The following IFT27 variants were observed in gnomAD, a reference collection of about 807,000 sequenced individuals.
The protein encoded by IFT27 is intraflagellar transport protein 27 homolog.
Under a neutral mutation model 23.9 loss-of-function variants are expected in IFT27, and 19 were observed. That is an observed-to-expected ratio of 0.79 (90% CI 0.55 to 1.16). IFT27 has a LOEUF of 1.16. IFT27 is among the 50% of genes most tolerant of loss of function. The pLI is 0.00. For synonymous variants in IFT27, 91 were observed against 89.1 expected (o/e 1.02, Z -0.12); for missense variants, 206 against 228.7 (o/e 0.90, Z 0.64).
intron 1 of IFT27, chr22:36,768,253 C>G (rs1288623011): frequency 2.7e-6 from 1 of 367,454 alleles, no homozygotes; most frequent in Non-Finnish European, 5.4e-6. Context: ...GTGACTGGCA[C>G]TGACAGGCAG....
rs773063905 is a variant in IFT27, at chr22:36,775,691, G to A, written c.17C>T (p.Ala6Val). The A allele has an allele frequency of 6.2e-7, 1 of 1,614,160 alleles. No homozygotes were observed. The change falls in exon 1 of 7, where the codon GCC becomes GTC. Residue 6 changes from alanine to valine, a missense_variant. Ala to Val is a moderately conservative substitution (Grantham distance 64). Transcript: ENST00000433985. ...AGACTCACCTGCCAGGATGCATTTG[G>A]CTGCCAGCTTCACCATGGTAACCAA... MVKLA[A>V]KCILAGDPAV...
intron 3 of IFT27, 60 bp downstream of exon 3, chr22:36,767,246 C>T (rs947685272): frequency 7.1e-7 from 1 of 1,399,666 alleles, no homozygotes; most frequent in Non-Finnish European, 1.0e-6. Flanking sequence ...GGTGTGACCA[C>T]AGAGACCCTG....
intron 6 of IFT27, chr22:36,761,497 A>G (rs1236966530): frequency 6.6e-6 from 1 of 152,246 alleles, no homozygotes; most frequent in Admixed American, 6.5e-5. Flanking sequence ...GGATTTAGTA[A>G]GTAATAACAG....
At chr22:36,762,231 G>A (rs1288003003) in intron 6 of IFT27, 1 of 152,302 alleles carries the variant, frequency 6.6e-6, no homozygotes, top group Admixed American at 6.5e-5. Context: ...AACACAGGAA[G>A]CAGGTTCCTC....
At chr22:36,772,823 G>T in intron 1 of IFT27, 1 of 960,138 alleles carries the variant, frequency 1.0e-6, no homozygotes, top group Non-Finnish European at 1.2e-6. Flanking sequence ...AGGGCTGTGG[G>T]TCATGGATGG....
chr22:36,767,389 T>C lies in IFT27; in HGVS notation c.115-24A>G, dbSNP rs200971213. ...GTCTGCCGAGGAACACCAAGAATGTTAGCACTGAGGGCCCCCAAAGGGAGA... is the reference window on the plus strand; with the variant it reads ...GTCTGCCGAGGAACACCAAGAATGTCAGCACTGAGGGCCCCCAAAGGGAGA... On this transcript the variant is annotated intron_variant, in intron 2 of 6. Coordinates refer to ENST00000433985, the MANE Select transcript of IFT27 (RefSeq NM_001177701.3). 6.9e-6 allele frequency: 11 copies of C among 1,605,092 alleles called. No individual in the cohort carries two copies. The Admixed American group carries it at 1.0e-4, about 15-fold the overall frequency.
intron 5 of IFT27, chr22:36,763,397 C>A: frequency 3.9e-6 from 1 of 254,952 alleles, no homozygotes; most frequent in African/African-American, 2.2e-5. Context: ...GGACTCGGCT[C>A]GGAGTCAGGG....
Position 36,775,907 on chromosome 22 carries a change from G to C in IFT27, c.-200C>G, listed in dbSNP as rs373565282. ...GGCCGGGGGCGGATATCGGGCGCTG[G>C]GGGCGGGTGGGCAGGGGAGGGCTCC... On this transcript the variant is annotated 5_prime_UTR_variant, in exon 1 of 7. Coordinates refer to ENST00000433985, the MANE Select transcript of IFT27 (RefSeq NM_001177701.3). 1.0e-5 allele frequency: 6 copies of C among 587,980 alleles called. No individual in the cohort carries two copies. In the African/African-American group the frequency reaches 1.1e-4, roughly 11 times the overall value. 36.4% of individuals were successfully genotyped at this position (587,980 alleles called of 1,614,324 possible).
At position 36,775,746 on chromosome 22, in the gene IFT27, G is replaced by A. The variant is rs1938486983; in HGVS notation, c.-39C>T. The A allele has an allele frequency of 1.2e-6, 2 of 1,613,186 alleles. No individual in the cohort carries two copies. Among genetic ancestry groups the A allele is most frequent in the Non-Finnish European group, 1.7e-6 (2 of 1,179,278 alleles). ...CCCGCGAGCCGTACCCAGAGGACAA[G>A]AGCGGCTGCTAGAGACGCGAGTGGG... On this transcript the variant is annotated 5_prime_UTR_variant, in exon 1 of 7. Coordinates refer to ENST00000433985, the MANE Select transcript of IFT27 (RefSeq NM_001177701.3).
Position 36,774,760 on chromosome 22 carries a change from C to T in IFT27, c.34+914G>A, listed in dbSNP as rs575313622. Among the ~76,000 whole-genome samples, 185 of 151,124 alleles carry T rather than the reference C, an allele frequency of 1.2e-3. 1 individual carries two copies. The highest frequency in any genetic ancestry group is 1.9e-3 in the Non-Finnish European group (129 of 67,924). On this transcript the variant is annotated intron_variant, in intron 1 of 6. Coordinates refer to ENST00000433985, the MANE Select transcript of IFT27 (RefSeq NM_001177701.3). Reference sequence around the variant, plus strand: ...CAGGGAGGTGGAGGTTGCAGTGAGCCGAGATTGCGCCACTGCCCTCCAGCC... The same window carrying T: ...CAGGGAGGTGGAGGTTGCAGTGAGCTGAGATTGCGCCACTGCCCTCCAGCC...
In IFT27 at chr22:36,776,108, T is replaced by G. The variant is rs1236885940; in HGVS notation, c.-401A>C. 1 of 233,086 alleles carries G rather than the reference T, an allele frequency of 4.3e-6. No homozygotes were observed. The highest frequency in any genetic ancestry group is 8.7e-6 in the Non-Finnish European group (1 of 115,512). The allele number at this position is 233,086 out of a possible 1,614,324, so 14.4% of individuals were successfully genotyped here. ...GCCGGATGCACTCTCCAAGCAACCA[T>G]AGCCCACCTGCCCCGCCTCCTCCTC... On this transcript the variant is annotated 5_prime_UTR_variant, in exon 1 of 7. An upstream start codon of the reference 5' UTR is lost. Transcript: ENST00000433985.
intron 2 of IFT27, 127 bp downstream of exon 2, chr22:36,767,656 C>T (rs1352417606): frequency 1.4e-5 from 12 of 880,716 alleles, no homozygotes; most frequent in African/African-American, 3.3e-5. Flanking sequence ...ACGATCTCCA[C>T]GTGGCCCTCT....
chr22:36,767,162 C>T (rs981876470), intron 3 of IFT27, 144 bp downstream of exon 3: 8 of 610,276 alleles, frequency 1.3e-5, no homozygotes, highest in East Asian at 3.1e-5. Flanking sequence ...CCCTTGAATG[C>T]TTCCCGATTC....
chr22:36,769,143 T>C (rs887488313), intron 1 of IFT27, among the ~76,000 whole-genome samples: 1 of 152,194 alleles, frequency 6.6e-6, no homozygotes, highest in Non-Finnish European at 1.5e-5. Context: ...TGCTTTTCTA[T>C]TTGTCATCAC....
At chr22:36,767,993 A>G in intron 1 of IFT27, 131 bp from the exon 2 acceptor site, 1 of 872,126 alleles carries the variant, frequency 1.1e-6, no homozygotes, top group Non-Finnish European at 2.0e-6. Flanking sequence ...CTCTCACGGG[A>G]ACTTGTTCTG....
At chr22:36,761,252 A>C (rs554034787) in intron 6 of IFT27, 1 of 152,314 alleles carries the variant, frequency 6.6e-6, no homozygotes, top group East Asian at 1.9e-4. Flanking sequence ...CGTTCTAGGG[A>C]ATATGGAATA....
At chr22:36,763,726 C>G in intron 5 of IFT27, 193 bp downstream of exon 5, 1 of 674,356 alleles carries the variant, frequency 1.5e-6, no homozygotes, top group Middle Eastern at 2.9e-4. Flanking sequence ...GTTTCCTAGA[C>G]TGGGAGAGGT....
intron 6 of IFT27, 169 bp from the exon 7 acceptor site, chr22:36,758,578 C>CA: frequency 3.3e-6 from 2 of 608,654 alleles, no homozygotes; most frequent in Non-Finnish European, 5.9e-6. Context: ...GAAGGAAACT[C>CA]AGATGGAGTC....
intron 1 of IFT27, among the ~76,000 whole-genome samples, chr22:36,775,258 G>GA (rs1482002882): frequency 9.4e-5 from 6 of 63,860 alleles, no homozygotes; most frequent in Non-Finnish European, 2.1e-4. Flanking sequence ...GTGAGGTCGG[G>GA]GGAAAAATCC....
Sources: allele counts gnomAD v4.1 joint callset (sites outside exome capture counted in the v4.1 genomes callset), GRCh38; gene constraint gnomAD v4.1.1; transcripts MANE v1.5; gene names NCBI Gene and HGNC (gene_info 2026-07-23, HGNC 2026-07-21).